The following DDI2 variants were observed in gnomAD, a reference collection of about 807,000 sequenced individuals.
DDI2 encodes DDI proteasomal shuttling factor 2.
DDI2 carries 5 observed loss-of-function variants against 48.1 expected under a neutral mutation model. That is an observed-to-expected ratio of 0.10 (90% CI 0.05 to 0.22). The LOEUF is 0.22. Among genes scored for constraint, DDI2 ranks in the 10% least tolerant of loss-of-function variants. The pLI is 1.00. For missense variants in DDI2, 285 were observed against 506.2 expected (o/e 0.56, Z 4.19); for synonymous variants, 205 against 183.6 (o/e 1.12, Z -0.94).
chr1:15,654,782 A>C (rs1277438838), intron 8 of DDI2, among the ~76,000 whole-genome samples: 1 of 152,180 alleles, frequency 6.6e-6, no homozygotes, highest in East Asian at 1.9e-4. Flanking sequence ...ACAACCAGAC[A>C]GAGACTAACT....
intron 8 of DDI2, among the ~76,000 whole-genome samples, chr1:15,652,831 AT>A (rs1247935412): frequency 2.1e-5 from 3 of 146,124 alleles, no homozygotes; most frequent in South Asian, 2.3e-4. Context: ...TCAAAAAAAA[AT>A]AATAATAAAA....
intron 2 of DDI2, among the ~76,000 whole-genome samples, chr1:15,629,713 G>T (rs1320614994): frequency 1.3e-5 from 2 of 150,396 alleles, no homozygotes; most frequent in African/African-American, 2.4e-5. Context: ...TATATTTATT[G>T]AAACTAGCTT....
At chr1:15,651,639 A>T in intron 7 of DDI2, 67 bp from the exon 8 acceptor site, 1 of 1,464,360 alleles carries the variant, frequency 6.8e-7, no homozygotes. Context: ...GGAGTTTTAA[A>T]TTAAGGAGCA....
chr1:15,620,954 T>G (rs894360817), intron 1 of DDI2, among the ~76,000 whole-genome samples: 1 of 152,228 alleles, frequency 6.6e-6, no homozygotes, highest in Non-Finnish European at 1.5e-5. Flanking sequence ...GAATTCAGTC[T>G]TTCACCTGAG....
chr1:15,656,515 C>G (rs546079918), intron 8 of DDI2, 102 bp from the exon 9 acceptor site: 37 of 1,607,964 alleles, frequency 2.3e-5, no homozygotes, highest in Non-Finnish European at 2.9e-5. Flanking sequence ...TCTACCAGTT[C>G]CTGATTTTAA....
At chr1:15,650,022 T>C (rs963403816) in intron 7 of DDI2, among the ~76,000 whole-genome samples, 199 bp downstream of exon 7, 3 of 152,236 alleles carry the variant, frequency 2.0e-5, no homozygotes, top group Non-Finnish European at 2.9e-5. Context: ...GTGAAATCTC[T>C]CTGTGAATCT....
chr1:15,622,668 C>T (rs1639684610), intron 1 of DDI2, among the ~76,000 whole-genome samples: 1 of 150,200 alleles, frequency 6.7e-6, no homozygotes, highest in Admixed American at 6.6e-5. Flanking sequence ...GCAGCGGATC[C>T]CCTTTTGTTT....
chr1:15,659,536 A>G (rs541105133), intron 9 of DDI2, among the ~76,000 whole-genome samples: 15 of 152,328 alleles, frequency 9.8e-5, no homozygotes, highest in Middle Eastern at 6.8e-3. Context: ...AAAGAAACAT[A>G]AATGTCCTTC....
rs1220947128 is a variant in DDI2 at position 15,665,262 on chromosome 1, CA to C, written c.*5490del. 328 of 95,902 alleles carry C rather than the reference CA, an allele frequency of 3.4e-3. No homozygotes were observed. Among genetic ancestry groups the C allele is most frequent in the East Asian group, 8.2e-3 (18 of 2,190 alleles). 5.9% of individuals were successfully genotyped at this position (95,902 alleles called of 1,614,324 possible). A position where few individuals can be genotyped will look rare whatever the true frequency, so the allele number is the denominator to read the frequency against. On this transcript the variant is annotated 3_prime_UTR_variant, in exon 10 of 10. Transcript: ENST00000480945. ...GGGCAACAAGAGCAAAACTCTGTCT[CA>C]AAAAAAAAAAAAAAAAAGGTAACCA...
intron 3 of DDI2, among the ~76,000 whole-genome samples, chr1:15,632,925 TTTTTTTAAAA>T (rs1372324177): frequency 2.1e-4 from 27 of 130,326 alleles, no homozygotes; most frequent in Non-Finnish European, 3.7e-4. Flanking sequence ...TTTTTTTTTT[TTTTTTTAAAA>T]AAAAAAAAAC....
At chr1:15,633,196 C>T (rs560346759) in intron 3 of DDI2, among the ~76,000 whole-genome samples, 9 of 152,106 alleles carry the variant, frequency 5.9e-5, no homozygotes, top group African/African-American at 1.9e-4. Flanking sequence ...CCCAAAGTGT[C>T]GAGATTATAG....
At chr1:15,629,863 C>G (rs1362492949) in intron 2 of DDI2, among the ~76,000 whole-genome samples, 2 of 151,846 alleles carry the variant, frequency 1.3e-5, no homozygotes, top group East Asian at 2.0e-4. Flanking sequence ...TCCTGCGTAG[C>G]TGGGATTACA....
chr1:15,630,283 T>C (rs1639821858), intron 2 of DDI2, 42 bp from the exon 3 acceptor site: 1 of 1,596,036 alleles, frequency 6.3e-7, no homozygotes, highest in Non-Finnish European at 8.6e-7. Context: ...TGCTTGTTTT[T>C]GTAGAGTAAT....
chr1:15,652,446 C>CGGGGGGGGGG (rs1396074011), intron 8 of DDI2, among the ~76,000 whole-genome samples: 1 of 15,920 alleles, frequency 6.3e-5, no homozygotes, highest in Non-Finnish European at 1.5e-4. Context: ...TGGGAGGCTC[C>CGGGGGGGGGG]GGAGGGGGGG....
chr1:15,660,696 T>C lies in DDI2; in HGVS notation c.*906T>C. ...AGAATGCCAATGTCAAGAACATTGG[T>C]GCATTGGATCTCACTTTAGATAATC... On this transcript the variant is annotated 3_prime_UTR_variant, in exon 10 of 10. Transcript: ENST00000480945. 1 of 1,614,150 alleles carries C rather than the reference T, an allele frequency of 6.2e-7. No homozygotes were observed. Among genetic ancestry groups the C allele is most frequent in the Non-Finnish European group, 8.5e-7 (1 of 1,180,036 alleles).
In DDI2 at chr1:15,630,417, TCTC is replaced by T; in HGVS notation, c.364_366del (p.Pro122del). ...ACCAGGAACACAGCAGTCCCACTCA[TCTC>T]CTGGAGAAATAACTTCATCTCCTCA... On this transcript the variant is annotated inframe_deletion, in exon 3 of 10. Coordinates refer to ENST00000480945, the MANE Select transcript of DDI2 (RefSeq NM_032341.5). 1 of 1,614,198 alleles carries T rather than the reference TCTC, an allele frequency of 6.2e-7. No individual in the cohort carries two copies. Among genetic ancestry groups the T allele is most frequent in the Non-Finnish European group, 8.5e-7 (1 of 1,180,038 alleles).
chr1:15,646,664 G>A (rs1369366064), intron 6 of DDI2, among the ~76,000 whole-genome samples: 1 of 151,946 alleles, frequency 6.6e-6, no homozygotes, highest in African/African-American at 2.4e-5. Flanking sequence ...TCCAGCCTGG[G>A]CAATAAGAGT....
chr1:15,646,059 C>T (rs894687860), intron 6 of DDI2, among the ~76,000 whole-genome samples: 14 of 152,314 alleles, frequency 9.2e-5, no homozygotes, highest in Middle Eastern at 3.4e-3. Context: ...GTCCCTGTCT[C>T]CCTCCATGCT....
At chr1:15,652,338 G>A (rs1005594027) in intron 8 of DDI2, among the ~76,000 whole-genome samples, 1 of 150,874 alleles carries the variant, frequency 6.6e-6, no homozygotes, top group African/African-American at 2.4e-5. Context: ...GATTACAGGT[G>A]TGAGCTACCA....
Sources: gnomAD v4.1 joint callset for allele counts (sites outside exome capture counted in the v4.1 genomes callset) on GRCh38, gnomAD v4.1.1 for gene constraint, MANE v1.5 for transcripts, NCBI Gene and HGNC (gene_info 2026-07-23, HGNC 2026-07-21) for gene names.